MAST3: variants seen among roughly 807,000 people sequenced by gnomAD.
The protein encoded by MAST3 is microtubule-associated serine/threonine-protein kinase 3.
Under a neutral mutation model 127.0 loss-of-function variants are expected in MAST3, and 43 were observed. That is an observed-to-expected ratio of 0.34 (90% CI 0.27 to 0.44). MAST3 has a LOEUF of 0.44. MAST3 is among the 20% of genes least tolerant of loss of function. MAST3 has a pLI of 1.00. For synonymous variants in MAST3, 785 were observed against 809.2 expected, an observed-to-expected ratio of 0.97 and a Z score of 0.51; for missense variants, 1,390 against 1,919.1, an observed-to-expected ratio of 0.72 and a Z score of 5.15.
Position 18,110,396 on chromosome 19 carries a change from G to A in MAST3, c.72-256G>A. 5.1e-6 allele frequency: 5 copies of A among 985,554 alleles called. No individual in the cohort carries two copies. The South Asian group carries it at 1.9e-4, about 37-fold the overall frequency. The allele number at this position is 985,554 out of a possible 1,614,324, so 61.1% of individuals were successfully genotyped here. A position where few individuals can be genotyped will look rare whatever the true frequency, so the allele number is the denominator to read the frequency against. On this transcript the variant is annotated intron_variant, in intron 2 of 27. Coordinates refer to ENST00000687212, the MANE Select transcript of MAST3 (RefSeq NM_001393504.1). The surrounding 1 kb of genome is among the most constrained non-coding windows in gnomAD (Gnocchi z 4.3). Reference sequence around the variant, plus strand: ...GTGTTGGGCAGGGCGGGGGTATGCGGGGTGCAGGGAGGACAGGATGACAAC... The same window carrying A: ...GTGTTGGGCAGGGCGGGGGTATGCGAGGTGCAGGGAGGACAGGATGACAAC...
chr19:18,119,913 C>T (rs558428608), intron 3 of MAST3, among the ~76,000 whole-genome samples: 11 of 152,312 alleles, frequency 7.2e-5, no homozygotes, highest in Middle Eastern at 6.8e-3. Context: ...TCTCCCTCCC[C>T]GCGAGATTCT....
intron 26 of MAST3, 31 bp from the exon 27 acceptor site, chr19:18,147,412 G>T: frequency 6.2e-7 from 1 of 1,606,826 alleles, no homozygotes; most frequent in South Asian, 1.1e-5. Flanking sequence ...CAGGAGCAGG[G>T]GTTCTGAAGC....
chr19:18,107,127 A>C (rs533540365), intron 1 of MAST3, among the ~76,000 whole-genome samples: 50 of 151,598 alleles, frequency 3.3e-4, no homozygotes, highest in Non-Finnish European at 6.5e-4. Flanking sequence ...ACTCTGGCTA[A>C]TTTTTTTAAA....
At chr19:18,122,036 C>A in intron 5 of MAST3, 114 bp downstream of exon 5, 1 of 1,504,100 alleles carries the variant, frequency 6.6e-7, no homozygotes. Flanking sequence ...ACCTTTTCCC[C>A]TCCCCTGGCC....
chr19:18,114,565 C>T (rs932308959), intron 3 of MAST3, among the ~76,000 whole-genome samples: 45 of 152,208 alleles, frequency 3.0e-4, no homozygotes, highest in African/African-American at 8.9e-4. Context: ...TTGACAGCCT[C>T]TCCGAGACCA....
At position 18,123,394 on chromosome 19, in the gene MAST3, C is replaced by G. The variant is rs2040223457; in HGVS notation, c.557+20C>G. ...TCTCAGGTGGGCCGCGACCTCTGGC[C>G]CCAGCCCCGGCCCCTCCCTGGGCTG... On this transcript the variant is annotated intron_variant, in intron 7 of 27. Coordinates refer to ENST00000687212, the MANE Select transcript of MAST3 (RefSeq NM_001393504.1). The G allele has an allele frequency of 6.3e-7, 1 of 1,599,772 alleles. No homozygotes were observed. The highest frequency in any genetic ancestry group is 8.5e-7 in the Non-Finnish European group (1 of 1,173,706).
intron 14 of MAST3, among the ~76,000 whole-genome samples, 196 bp from the exon 15 acceptor site, chr19:18,131,713 T>A (rs1245691635): frequency 2.0e-5 from 3 of 151,736 alleles, no homozygotes; most frequent in Non-Finnish European, 2.9e-5. Flanking sequence ...GAAGAAAAAA[T>A]TAAAAAATTA....
At chr19:18,119,038 C>T (rs1330376005) in intron 3 of MAST3, among the ~76,000 whole-genome samples, 1 of 152,188 alleles carries the variant, frequency 6.6e-6, no homozygotes, top group African/African-American at 2.4e-5. Flanking sequence ...CTTTCTGCCA[C>T]ATTCTCTCTG....
In MAST3 at chr19:18,103,767, G is replaced by A. The variant is rs187355128; in HGVS notation, c.40-3820G>A. On this transcript the variant is annotated intron_variant, in intron 1 of 27. Coordinates refer to ENST00000687212, the MANE Select transcript of MAST3 (RefSeq NM_001393504.1). ...ACAGAGGGGTTAAGTCACTTGTCGG[G>A]TCACACAGTGCAGGAGTGGGGGAGC... is the stretch of plus-strand genomic sequence containing the variant. 5.4e-4 allele frequency among the ~76,000 whole-genome samples: 82 copies of A among 152,238 alleles called. 1 individual carries two copies. The highest frequency in any genetic ancestry group is 1.4e-3 in the African/African-American group (60 of 41,534).
At chr19:18,104,179 CAAAAAAAAAAAAAAAAAAAAAAAAA>C (rs56347763) in intron 1 of MAST3, among the ~76,000 whole-genome samples, 2 of 43,450 alleles carry the variant, frequency 4.6e-5, no homozygotes, top group Non-Finnish European at 7.8e-5. Context: ...GACGCTGTCT[CAAAAAAAAAAAAAAAAAAAAAAAAA>C]AAAAAAAAAA....
At chr19:18,098,081 C>T (rs1291966038) in intron 1 of MAST3, among the ~76,000 whole-genome samples, 1 of 152,130 alleles carries the variant, frequency 6.6e-6, no homozygotes, top group Non-Finnish European at 1.5e-5. Flanking sequence ...GAGGAAGAGG[C>T]TGAGGGCTCT....
At position 18,144,027 on chromosome 19, in the gene MAST3, A is replaced by G. The variant is rs1393397385; in HGVS notation, c.2584+20A>G. ...TTTCTGGTAAGTGGGGCCCTGAGTA[A>G]GAGGGATGATGTCATGGAAGTTTCC... On this transcript the variant is annotated intron_variant, in intron 22 of 27. Coordinates refer to ENST00000687212, the MANE Select transcript of MAST3 (RefSeq NM_001393504.1). The surrounding 1 kb of genome is among the most constrained non-coding windows in gnomAD (Gnocchi z 4.0). 2 of 1,552,120 alleles carry G rather than the reference A, an allele frequency of 1.3e-6. No homozygotes were observed. Among genetic ancestry groups the G allele is most frequent in the Admixed American group, 3.9e-5 (2 of 50,982 alleles).
chr19:18,131,559 T>C lies in MAST3; in HGVS notation c.1433-350T>C, dbSNP rs1254155058. The stretch of plus-strand genomic sequence containing the variant: ...ACTAAGAATACAAAAATTAGCTGGG[T>C]GTGGTGGTGTGCGCCTGTAATCCCA... On this transcript the variant is annotated intron_variant, in intron 14 of 27. Transcript: ENST00000687212. 1.5e-5 allele frequency among the ~76,000 whole-genome samples: 2 copies of C among 131,934 alleles called. 1 individual carries two copies. The highest frequency in any genetic ancestry group is 3.3e-5 in the Non-Finnish European group (2 of 60,252). 86.6% of individuals were successfully genotyped at this position (131,934 alleles called of 152,430 possible).
chr19:18,129,046 G>C, intron 13 of MAST3, 95 bp downstream of exon 13: 3 of 1,058,036 alleles, frequency 2.8e-6, no homozygotes, highest in Non-Finnish European at 4.3e-6. Context: ...TACCCCAGCA[G>C]GGCTCACACA....
chr19:18,139,293 A>T (rs1400115251), intron 20 of MAST3, among the ~76,000 whole-genome samples, 169 bp downstream of exon 20: 1 of 151,804 alleles, frequency 6.6e-6, no homozygotes, highest in Non-Finnish European at 1.5e-5. Flanking sequence ...CTCCCACCTC[A>T]GCCTCCCAAA....
intron 8 of MAST3, 54 bp downstream of exon 8, chr19:18,123,709 T>G (rs2040260413): frequency 7.2e-7 from 1 of 1,392,888 alleles, no homozygotes; most frequent in Non-Finnish European, 9.6e-7. Flanking sequence ...CACATTGCTG[T>G]CCCTCCATGG....
intron 15 of MAST3, among the ~76,000 whole-genome samples, chr19:18,134,332 G>A (rs915172052): frequency 6.6e-6 from 1 of 152,168 alleles, no homozygotes; most frequent in Non-Finnish European, 1.5e-5. Flanking sequence ...GATTGCTTGA[G>A]GCCAGCAATT....
Position 18,145,048 on chromosome 19 carries a change from C to G in MAST3, c.2858C>G (p.Ser953Cys). The change falls in exon 24 of 28, where the codon TCT (serine) becomes TGT (cysteine). Residue 953 changes from serine to cysteine, a missense_variant. Transcript: ENST00000687212. The surrounding 1 kb of genome is among the most constrained non-coding windows in gnomAD (Gnocchi z 5.9). ...CTCATGAGCCCCCTTTCCCCGCGCTCTCTGTCCTCGAACCCGTCGTCCCGT... is the reference window on the plus strand; with the variant it reads ...CTCATGAGCCCCCTTTCCCCGCGCTGTCTGTCCTCGAACCCGTCGTCCCGT... Reference protein sequence around the residue: ...GPLMSPLSPRSLSSNPSSRDS... With the variant: ...GPLMSPLSPRCLSSNPSSRDS... The G allele has an allele frequency of 2.5e-6, 4 of 1,611,002 alleles. No individual in the cohort carries two copies. Among genetic ancestry groups the G allele is most frequent in the Non-Finnish European group, 3.4e-6 (4 of 1,179,748 alleles).
chr19:18,110,612 C>A lies in MAST3; in HGVS notation c.72-40C>A. 2.1e-6 allele frequency: 2 copies of A among 949,710 alleles called. No homozygotes were observed. The highest frequency in any genetic ancestry group is 1.3e-6 in the Non-Finnish European group (1 of 797,044). The allele number at this position is 949,710 out of a possible 1,614,324, so 58.8% of individuals were successfully genotyped here. A position where few individuals can be genotyped will look rare whatever the true frequency, so the allele number is the denominator to read the frequency against. On this transcript the variant is annotated intron_variant, in intron 2 of 27. Coordinates refer to ENST00000687212, the MANE Select transcript of MAST3 (RefSeq NM_001393504.1). The surrounding 1 kb of genome is among the most constrained non-coding windows in gnomAD (Gnocchi z 4.3). ...ATCCGGATTCGGCCACACGAAGGGG[C>A]GGCCGCCAGGTTCACCGTCCCCGGC... is the stretch of plus-strand genomic sequence containing the variant.
Sources: gnomAD v4.1 joint callset for allele counts (sites outside exome capture counted in the v4.1 genomes callset) on GRCh38, gnomAD v4.1.1 for gene constraint, Gnocchi (gnomAD v3.1) non-coding constraint, MANE v1.5 for transcripts, NCBI Gene and HGNC (gene_info 2026-07-23, HGNC 2026-07-21) for gene names.